FUT8: variants seen among roughly 807,000 people sequenced by gnomAD.
FUT8 encodes the protein alpha-(1,6)-fucosyltransferase.
In FUT8, 29 loss-of-function variants were observed where a neutral mutation model predicts 71.3. The observed-to-expected ratio is 0.41, with a 90% CI of 0.30 to 0.55. FUT8 has a LOEUF of 0.55. Among genes scored for constraint, FUT8 ranks in the 20% least tolerant of loss-of-function variants. FUT8 has a pLI of 0.34. For missense variants in FUT8, 544 were observed against 702.1 expected, an observed-to-expected ratio of 0.77 and a Z score of 2.55; for synonymous variants, 254 against 239.3, an observed-to-expected ratio of 1.06 and a Z score of -0.57.
At position 65,439,954 on chromosome 14, in the gene FUT8, G is replaced by GTACATATATATA. The variant is rs1378430231; in HGVS notation, c.-325-15665_-325-15664insCATATATATATA. ...ATAAAGAAAATGTGTGTGTGTGTGT[G>GTACATATATATA]TATATATATATATATATATATATAT... On this transcript the variant is annotated intron_variant, in intron 1 of 10. Transcript: ENST00000673929. Among the ~76,000 whole-genome samples the GTACATATATATA allele has an allele frequency of 2.9e-4, 22 of 74,974 alleles. 1 individual carries two copies. In the East Asian group the frequency reaches 4.9e-3, roughly 17 times the overall value. 49.2% of individuals were successfully genotyped at this position (74,974 alleles called of 152,430 possible).
At chr14:65,738,769 A>G (rs1421247264) in intron 10 of FUT8, among the ~76,000 whole-genome samples, 2 of 152,102 alleles carry the variant, frequency 1.3e-5, no homozygotes, top group Non-Finnish European at 2.9e-5. Flanking sequence ...AGCCTTTTGC[A>G]GTAAATTGTC....
intron 6 of FUT8, among the ~76,000 whole-genome samples, chr14:65,656,279 C>CACAATATCAGTATTGTGGT (rs1420127158): frequency 1.3e-5 from 2 of 150,380 alleles, no homozygotes; most frequent in Non-Finnish European, 2.9e-5. Flanking sequence ...AAAGTCAACA[C>CACAATATCAGTATTGTGGT]ACAAATATCA....
At chr14:65,517,263 C>T (rs1044047431) in intron 2 of FUT8, among the ~76,000 whole-genome samples, 4 of 151,908 alleles carry the variant, frequency 2.6e-5, no homozygotes, top group Non-Finnish European at 4.4e-5. Context: ...TTTACTTAAA[C>T]GAGCTAAATA....
intron 7 of FUT8, among the ~76,000 whole-genome samples, chr14:65,703,909 T>A (rs1894436068): frequency 6.6e-6 from 1 of 152,236 alleles, no homozygotes; most frequent in South Asian, 2.1e-4. Context: ...CTGCCCTCTT[T>A]CCTCATATTC....
At chr14:65,585,690 A>T (rs1214687106) in intron 3 of FUT8, among the ~76,000 whole-genome samples, 1 of 152,234 alleles carries the variant, frequency 6.6e-6, no homozygotes, top group East Asian at 1.9e-4. Context: ...GCTTTTTCAT[A>T]AATTGTTAAA....
intron 7 of FUT8, among the ~76,000 whole-genome samples, chr14:65,676,329 C>A (rs1315896941): frequency 6.6e-6 from 1 of 152,156 alleles, no homozygotes; most frequent in Admixed American, 6.5e-5. Context: ...TATTTAGGAC[C>A]TATCCAAGGT....
chr14:65,530,286 G>A (rs1883852400), intron 2 of FUT8, among the ~76,000 whole-genome samples: 1 of 152,010 alleles, frequency 6.6e-6, no homozygotes, highest in African/African-American at 2.4e-5. Flanking sequence ...GCAATTATAG[G>A]GCTCACCTTT....
At chr14:65,673,060 G>A (rs1047506015) in intron 7 of FUT8, among the ~76,000 whole-genome samples, 2 of 152,062 alleles carry the variant, frequency 1.3e-5, no homozygotes, top group African/African-American at 4.8e-5. Context: ...AATGTAATTG[G>A]AAAATTTTAT....
At chr14:65,694,289 T>G (rs1389893859) in intron 7 of FUT8, among the ~76,000 whole-genome samples, 3 of 152,232 alleles carry the variant, frequency 2.0e-5, no homozygotes, top group African/African-American at 4.8e-5. Flanking sequence ...CTTTTCATTA[T>G]GTGTATTCAG....
chr14:65,614,877 A>G (rs1240980213), intron 3 of FUT8, among the ~76,000 whole-genome samples: 2 of 152,182 alleles, frequency 1.3e-5, no homozygotes, highest in South Asian at 4.1e-4. Context: ...TGTTTAGCCT[A>G]CCACGAAATT....
chr14:65,517,665 G>C (rs1278595730), intron 2 of FUT8, among the ~76,000 whole-genome samples: 6 of 152,062 alleles, frequency 3.9e-5, no homozygotes, highest in Non-Finnish European at 5.9e-5. Context: ...CTTCTCCATG[G>C]ACCTTATCTT....
the FUT8 span, among the ~76,000 whole-genome samples, chr14:65,373,069 A>G: frequency 3.9e-5 from 6 of 152,062 alleles, no homozygotes; most frequent in Non-Finnish European, 7.4e-5. Flanking sequence ...TGTCCCAAAT[A>G]TTACTATGAA....
intron 1 of FUT8, among the ~76,000 whole-genome samples, chr14:65,419,229 C>A (rs564857647): frequency 6.6e-6 from 1 of 152,078 alleles, no homozygotes; most frequent in Non-Finnish European, 1.5e-5. Context: ...CATTGCACTC[C>A]AGCCTGGACA....
chr14:65,380,105 C>T, the FUT8 span, among the ~76,000 whole-genome samples: 4 of 152,102 alleles, frequency 2.6e-5, no homozygotes, highest in African/African-American at 9.7e-5. Context: ...AAGACATACA[C>T]GAGACTGGGA....
At chr14:65,535,160 C>T (rs941104472) in intron 2 of FUT8, among the ~76,000 whole-genome samples, 7 of 151,618 alleles carry the variant, frequency 4.6e-5, no homozygotes, top group Non-Finnish European at 1.0e-4. Context: ...AATGCTATGG[C>T]ACGATCTTGG....
chr14:65,430,875 T>G (rs982600967), intron 1 of FUT8, among the ~76,000 whole-genome samples: 2 of 152,158 alleles, frequency 1.3e-5, no homozygotes, highest in African/African-American at 4.8e-5. Context: ...TCCTACAAGT[T>G]AAGTAAAAAA....
intron 3 of FUT8, among the ~76,000 whole-genome samples, chr14:65,615,680 C>T (rs1266025916): frequency 6.6e-6 from 1 of 152,140 alleles, no homozygotes; most frequent in Non-Finnish European, 1.5e-5. Flanking sequence ...TGCCACTGAT[C>T]ATGGTACTCT....
chr14:65,647,670 C>G (rs924366070), intron 6 of FUT8, among the ~76,000 whole-genome samples: 1 of 152,092 alleles, frequency 6.6e-6, no homozygotes, highest in Non-Finnish European at 1.5e-5. Flanking sequence ...GTAATAGTTG[C>G]TCTTAAATTT....
At chr14:65,697,710 A>G (rs763761531) in intron 7 of FUT8, among the ~76,000 whole-genome samples, 28 of 152,204 alleles carry the variant, frequency 1.8e-4, no homozygotes, top group Non-Finnish European at 3.5e-4. Flanking sequence ...TTGGGAGGCC[A>G]AGGCAGGTGG....
Sources: gnomAD v4.1 joint callset for allele counts (sites outside exome capture counted in the v4.1 genomes callset) on GRCh38, gnomAD v4.1.1 for gene constraint, MANE v1.5 for transcripts, NCBI Gene and HGNC (gene_info 2026-07-23, HGNC 2026-07-21) for gene names.